USH1C: variants seen among roughly 807,000 people sequenced by gnomAD.
The protein encoded by USH1C is USH1 protein network component harmonin.
USH1C carries 90 observed loss-of-function variants against 119.3 expected under a neutral mutation model. The observed-to-expected ratio is 0.75, with a 90% CI of 0.64 to 0.90. The LOEUF (loss-of-function observed/expected upper bound fraction) is 0.90, where lower values mean the gene tolerates loss of function less well. Among genes scored for constraint, USH1C ranks in the 40% least tolerant of loss-of-function variants. The probability of loss-of-function intolerance (pLI) is 0.00; values close to 1 mark genes in which losing one functional copy is unlikely to be tolerated. For missense variants in USH1C, 1,165 were observed against 1,167.7 expected (o/e 1.00, Z 0.03); for synonymous variants, 465 against 443.3 (o/e 1.05, Z -0.62).
rs1048686690 is a variant in USH1C, at chr11:17,516,364, G to A, written c.1211-74C>T. ...GAGCATCCATGGGCAGCAGATGGGA[G>A]CTGGGTTCCCAAGGAATGCATGACT... On this transcript the variant is annotated intron_variant, in intron 14 of 26. Transcript: ENST00000005226. 12 of 1,453,406 alleles carry A rather than the reference G, an allele frequency of 8.3e-6. No homozygotes were observed. In the African/African-American group the frequency reaches 1.7e-4, roughly 20 times the overall value. 90.0% of individuals were successfully genotyped at this position (1,453,406 alleles called of 1,614,324 possible).
At chr11:17,536,886 A>C (rs1851251754) in intron 1 of USH1C, among the ~76,000 whole-genome samples, 1 of 152,232 alleles carries the variant, frequency 6.6e-6, no homozygotes, top group Non-Finnish European at 1.5e-5. Context: ...AATGCTCTTT[A>C]AATATGAATC....
chr11:17,521,836 A>AATTG (rs1046352496), intron 12 of USH1C, among the ~76,000 whole-genome samples: 3 of 152,120 alleles, frequency 2.0e-5, no homozygotes, highest in Non-Finnish European at 4.4e-5. Flanking sequence ...AAAATACATT[A>AATTG]ATTGATTGAT....
Position 17,510,272 on chromosome 11 carries a change from G to C in USH1C, c.1530+133C>G, listed in dbSNP as rs1244553249. On this transcript the variant is annotated intron_variant, in intron 17 of 26. Coordinates refer to ENST00000005226, the MANE Select transcript of USH1C (RefSeq NM_153676.4). ...TCAAGAGGGGAGTGGGGTGGTAGGGGTGGGCCTGGACAGTGGATGGGCACT... is the reference window on the plus strand; with the variant it reads ...TCAAGAGGGGAGTGGGGTGGTAGGGCTGGGCCTGGACAGTGGATGGGCACT... 1.5e-5 allele frequency: 11 copies of C among 733,876 alleles called. No homozygotes were observed. In the East Asian group the frequency reaches 2.7e-4, roughly 18 times the overall value. The allele number at this position is 733,876 out of a possible 1,614,324, so 45.5% of individuals were successfully genotyped here. A position where few individuals can be genotyped will look rare whatever the true frequency, so the allele number is the denominator to read the frequency against.
At chr11:17,533,982 G>A (rs747788386) in intron 1 of USH1C, 10 of 278,616 alleles carry the variant, frequency 3.6e-5, no homozygotes, top group African/African-American at 8.7e-5. Flanking sequence ...CTTTGTTGAC[G>A]TCAATGGCTG....
chr11:17,504,220 G>C (rs1000430837), intron 20 of USH1C, among the ~76,000 whole-genome samples: 1 of 152,178 alleles, frequency 6.6e-6, no homozygotes, highest in Non-Finnish European at 1.5e-5. Context: ...TTCAGTGTCA[G>C]GCAGGGTTGG....
Position 17,526,394 on chromosome 11 carries a change from C to T in USH1C, c.627G>A (p.Glu209=), listed in dbSNP as rs1158170299. 6.2e-7 allele frequency: 1 copy of T among 1,614,098 alleles called. No homozygotes were observed. Among genetic ancestry groups the T allele is most frequent in the Non-Finnish European group, 8.5e-7 (1 of 1,179,990 alleles). ...CTACCAGGCTGATGAAGACCTTCTT[C>T]TCCTTGTTTTCCCGATTTCCAGGGG... The part of the protein sequence containing the change: ...LGSPGNRENK[E]KKVFISLVGS... The change falls in exon 8 of 27, where the codon GAG becomes GAA. Residue 209 remains glutamate, a synonymous_variant. Coordinates refer to ENST00000005226, the MANE Select transcript of USH1C (RefSeq NM_153676.4).
At chr11:17,514,033 C>T (rs896497263) in intron 15 of USH1C, among the ~76,000 whole-genome samples, 23 of 152,144 alleles carry the variant, frequency 1.5e-4, no homozygotes, top group Non-Finnish European at 1.6e-4. Context: ...CCCTGCCAGA[C>T]GGTGGGCTCC....
Position 17,523,058 on chromosome 11 carries a change from C to T in USH1C, c.877-132G>A, listed in dbSNP as rs922076818. 11 of 1,578,420 alleles carry T rather than the reference C, an allele frequency of 7.0e-6. 1 individual carries two copies. Among genetic ancestry groups the T allele is most frequent in the Non-Finnish European group, 7.8e-6 (9 of 1,149,180 alleles). ...ACTGCGGCTCCCGCAATCCCTGACC[C>T]AAACTTCTTGCTGGGCAGAAGTCCT... On this transcript the variant is annotated intron_variant, in intron 11 of 26. Transcript: ENST00000005226.
In USH1C at chr11:17,508,635, G is replaced by A. The variant is rs192943322; in HGVS notation, c.2013+721C>T. ...TGTTTCAAAATAGTCTTTGGATTAC[G>A]AATAATTAATAAGAAATATGTCTTT... On this transcript the variant is annotated intron_variant, in intron 18 of 26. Transcript: ENST00000005226. 2.3e-4 allele frequency among the ~76,000 whole-genome samples: 35 copies of A among 152,290 alleles called. No homozygotes were observed. The East Asian group carries it at 4.4e-3, about 19-fold the overall frequency.
intron 9 of USH1C, 63 bp from the exon 10 acceptor site, chr11:17,523,541 G>C: frequency 1.3e-6 from 2 of 1,560,378 alleles, no homozygotes; most frequent in Non-Finnish European, 1.8e-6. Context: ...TCATCTGCAG[G>C]ACAGGCTCCC....
chr11:17,529,987 G>A (rs778798669), intron 4 of USH1C, among the ~76,000 whole-genome samples: 12 of 152,226 alleles, frequency 7.9e-5, no homozygotes, highest in Non-Finnish European at 1.5e-4. Flanking sequence ...GCATTTCTGA[G>A]CTGGAAAATG....
intron 4 of USH1C, among the ~76,000 whole-genome samples, chr11:17,530,577 G>A (rs1028553297): frequency 3.3e-5 from 5 of 152,210 alleles, no homozygotes; most frequent in African/African-American, 1.2e-4. Context: ...TGTATGCCAG[G>A]CCCTGCTATA....
intron 14 of USH1C, chr11:17,516,497 A>C (rs1487145271): frequency 1.6e-6 from 1 of 610,792 alleles, no homozygotes; most frequent in Non-Finnish European, 3.0e-6. Context: ...GACCACCGAG[A>C]AAAGCCCCGG....
At chr11:17,498,399 G>A in intron 23 of USH1C, 128 bp from the exon 24 acceptor site, 1 of 895,194 alleles carries the variant, frequency 1.1e-6, no homozygotes, top group Non-Finnish European at 1.9e-6. Flanking sequence ...AAGCTCATGT[G>A]GACTCAGAAA....
Position 17,544,271 on chromosome 11 carries a change from C to T in USH1C, c.36+1G>A, listed in dbSNP as rs1403777293. The T allele has an allele frequency of 1.2e-6, 2 of 1,614,064 alleles. No homozygotes were observed. The highest frequency in any genetic ancestry group is 1.7e-5 in the Admixed American group (1 of 60,034). ...AGCCTGGGGCGCCCTGCAGCTCTGA[C>T]CTTATGCCGGAATTCTCGGGCCACT... On this transcript the variant is annotated splice_donor_variant, in intron 1 of 26. Coordinates refer to ENST00000005226, the MANE Select transcript of USH1C (RefSeq NM_153676.4). LOFTEE classifies it high-confidence loss of function.
At chr11:17,517,635 G>A (rs1850215193) in intron 14 of USH1C, among the ~76,000 whole-genome samples, 2 of 152,188 alleles carry the variant, frequency 1.3e-5, no homozygotes, top group Admixed American at 1.3e-4. Context: ...CAGAGCAAAG[G>A]TTTTTTGCTC....
At position 17,531,433 on chromosome 11, in the gene USH1C, C is replaced by G. The variant is rs763766845; in HGVS notation, c.214G>C (p.Val72Leu). The G allele has an allele frequency of 6.2e-7, 1 of 1,613,976 alleles. No homozygotes were observed. Among genetic ancestry groups the G allele is most frequent in the Non-Finnish European group, 8.5e-7 (1 of 1,180,006 alleles). ...IRPLIPLKHQ[V>L]EYDQLTPRRS... ...CGGGGGGTCAGCTGATCATATTCCA[C>G]CTGGTGCTTCAGTGGGATCAGCGGC... Residue 72 changes from valine (V) to leucine (L), a missense_variant, in exon 3 of 27, where the codon GTG (valine) becomes CTG (leucine). Val to Leu is a conservative substitution (Grantham distance 32). Coordinates refer to ENST00000005226, the MANE Select transcript of USH1C (RefSeq NM_153676.4). This position sits in a 1 kb window ranked among gnomAD's most constrained non-coding sequence, Gnocchi z 4.2.
At position 17,509,461 on chromosome 11, in the gene USH1C, G is replaced by A; in HGVS notation, c.1908C>T (p.Arg636=). 2 of 1,613,428 alleles carry A rather than the reference G, an allele frequency of 1.2e-6. No homozygotes were observed. Among genetic ancestry groups the A allele is most frequent in the Non-Finnish European group, 1.7e-6 (2 of 1,179,744 alleles). Reference sequence around the variant, plus strand: ...CCACTGGATTGCCTGTGTCCCCAGTGCGGAAGGGATGGTTGCTCAGTGCTT... The same window carrying A: ...CCACTGGATTGCCTGTGTCCCCAGTACGGAAGGGATGGTTGCTCAGTGCTT... ...LEEALSNHPF[R]TGDTGNPVED... is the part of the protein sequence containing the mutation. The change falls in exon 18 of 27, where the codon CGC becomes CGT. Residue 636 remains arginine, a synonymous_variant. Transcript: ENST00000005226.
rs1396819579 is a variant in USH1C at position 17,494,052 on chromosome 11, G to A, written c.*280C>T. 1.6e-5 allele frequency: 8 copies of A among 514,524 alleles called. No homozygotes were observed. Among genetic ancestry groups the A allele is most frequent in the Admixed American group, 3.2e-5 (1 of 31,208 alleles). The allele number at this position is 514,524 out of a possible 1,614,324, so 31.9% of individuals were successfully genotyped here. On this transcript the variant is annotated 3_prime_UTR_variant, in exon 27 of 27. Coordinates refer to ENST00000005226, the MANE Select transcript of USH1C (RefSeq NM_153676.4). ...TTCAAGGAAGGAGTCCCCCAGAGCTGGGAGAGACCAAATTCACTGGGCCAG... is the reference window on the plus strand; with the variant it reads ...TTCAAGGAAGGAGTCCCCCAGAGCTAGGAGAGACCAAATTCACTGGGCCAG...
Sources: allele counts gnomAD v4.1 joint callset (sites outside exome capture counted in the v4.1 genomes callset), GRCh38; gene constraint gnomAD v4.1.1; non-coding constraint Gnocchi (gnomAD v3.1); transcripts MANE v1.5; gene names NCBI Gene and HGNC (gene_info 2026-07-23, HGNC 2026-07-21).